Variants in DCAF5 observed in about 807,000 individuals in gnomAD.
DCAF5 encodes DDB1- and CUL4-associated factor 5.
Under a neutral mutation model 80.7 loss-of-function variants are expected in DCAF5, and 9 were observed. The observed-to-expected ratio is 0.11, with a 90% CI of 0.07 to 0.19. The LOEUF (loss-of-function observed/expected upper bound fraction) is 0.19, where lower values mean the gene tolerates loss of function less well. Among genes scored for constraint, DCAF5 ranks in the 10% least tolerant of loss-of-function variants. The probability of loss-of-function intolerance (pLI) is 1.00; values close to 1 mark genes in which losing one functional copy is unlikely to be tolerated. For synonymous variants in DCAF5, 433 were observed against 461.9 expected (o/e 0.94, Z 0.80); for missense variants, 842 against 1,205.7 (o/e 0.70, Z 4.47).
intron 1 of DCAF5, among the ~76,000 whole-genome samples, chr14:69,146,482 C>G (rs2041540596): frequency 6.6e-6 from 1 of 152,124 alleles, no homozygotes; most frequent in Non-Finnish European, 1.5e-5. Flanking sequence ...TAGCAAAGTT[C>G]CTCAGGGCCA....
At chr14:69,061,358 G>A (rs1442561068) in intron 8 of DCAF5, among the ~76,000 whole-genome samples, 1 of 152,000 alleles carries the variant, frequency 6.6e-6, no homozygotes, top group Non-Finnish European at 1.5e-5. Context: ...ATTATCTCAG[G>A]GACCTCAAGA....
chr14:69,116,581 G>A lies in DCAF5; in HGVS notation c.536-86C>T, dbSNP rs968538355. 3.0e-5 allele frequency: 46 copies of A among 1,515,840 alleles called. No individual in the cohort carries two copies. In the South Asian group the frequency reaches 3.7e-4, roughly 12 times the overall value. The allele number at this position is 1,515,840 out of a possible 1,614,324, so 93.9% of individuals were successfully genotyped here. A position where few individuals can be genotyped will look rare whatever the true frequency, so the allele number is the denominator to read the frequency against. On this transcript the variant is annotated intron_variant, in intron 4 of 8. Transcript: ENST00000341516. ...ATAATCAGGAATGTGAATACAGGTC[G>A]GAGCACTCTTTAATAACCACTCCAA...
At chr14:69,126,609 T>A (rs1298280363) in intron 1 of DCAF5, among the ~76,000 whole-genome samples, 2 of 152,188 alleles carry the variant, frequency 1.3e-5, no homozygotes, top group Non-Finnish European at 2.9e-5. Flanking sequence ...ATAGTCAACA[T>A]GATTTTGAAG....
intron 5 of DCAF5, among the ~76,000 whole-genome samples, chr14:69,108,467 G>A (rs189932303): frequency 2.0e-5 from 3 of 152,216 alleles, no homozygotes; most frequent in Admixed American, 6.5e-5. Context: ...ATGGAGAGAC[G>A]GAAATGGGTA....
chr14:69,085,163 G>T (rs1445385393), intron 6 of DCAF5: 1 of 745,326 alleles, frequency 1.3e-6, no homozygotes, highest in African/African-American at 1.7e-5. Context: ...CCCATTCTCT[G>T]AAACAGATCT....
At chr14:69,097,788 T>C (rs958859141) in intron 5 of DCAF5, among the ~76,000 whole-genome samples, 1 of 151,942 alleles carries the variant, frequency 6.6e-6, no homozygotes, top group Admixed American at 6.6e-5. Context: ...GGTTTTGCCA[T>C]GTTGACCAGG....
chr14:69,106,843 C>T (rs910350954), intron 5 of DCAF5, among the ~76,000 whole-genome samples: 3 of 151,962 alleles, frequency 2.0e-5, no homozygotes, highest in Non-Finnish European at 4.4e-5. Context: ...AGTTCAAGAC[C>T]AACCTGGCCA....
At chr14:69,095,899 C>T (rs1017528173) in intron 5 of DCAF5, among the ~76,000 whole-genome samples, 4 of 152,048 alleles carry the variant, frequency 2.6e-5, no homozygotes, top group Non-Finnish European at 4.4e-5. Flanking sequence ...TGCTTGGGGT[C>T]GAGGCACTAC....
In DCAF5 at chr14:69,128,681, T is replaced by TC. The variant is rs1466697960; in HGVS notation, c.215-6322dup. On this transcript the variant is annotated intron_variant, in intron 1 of 8. Coordinates refer to ENST00000341516, the MANE Select transcript of DCAF5 (RefSeq NM_003861.3). ...TACTGGGGAGGATGAGGCAGGAGAATCACTTGAACCCTGGAGGCGGAGGTT... is the reference window on the plus strand; with the variant it reads ...TACTGGGGAGGATGAGGCAGGAGAATCCACTTGAACCCTGGAGGCGGAGGTT... Among the ~76,000 whole-genome samples the TC allele has an allele frequency of 2.2e-3, 333 of 152,190 alleles. 3 individuals are homozygous for TC. Among genetic ancestry groups the TC allele is most frequent in the African/African-American group, 7.5e-3 (311 of 41,520 alleles).
At chr14:69,095,415 A>G (rs1289383912) in intron 5 of DCAF5, among the ~76,000 whole-genome samples, 1 of 152,190 alleles carries the variant, frequency 6.6e-6, no homozygotes, top group African/African-American at 2.4e-5. Flanking sequence ...AAACACAAGA[A>G]CAGGGTAGGA....
intron 6 of DCAF5, among the ~76,000 whole-genome samples, chr14:69,087,238 CTTT>C (rs1341496385): frequency 6.6e-6 from 1 of 152,156 alleles, no homozygotes; most frequent in Non-Finnish European, 1.5e-5. Context: ...TACTGGCATT[CTTT>C]TTTAACCCTA....
chr14:69,139,817 AC>A (rs887452827), intron 1 of DCAF5, among the ~76,000 whole-genome samples: 1 of 147,378 alleles, frequency 6.8e-6, no homozygotes, highest in African/African-American at 2.5e-5. Context: ...AGTGAATAAG[AC>A]CCTGTCTCAA....
At chr14:69,058,427 G>A (rs61160887) in intron 8 of DCAF5, among the ~76,000 whole-genome samples, 9,494 of 152,020 alleles carry the variant, frequency 0.062, 987 homozygotes, top group African/African-American at 0.22. Context: ...GCTGAGGCAG[G>A]AGAATTGCTT....
Position 69,055,248 on chromosome 14 carries a change from CGTT to C in DCAF5, c.1435_1437del (p.Asn479del), listed in dbSNP as rs768386194. ...ACCCGCAGGGGCCCCAGGTGGAAGG[CGTT>C]GTCGGCAGACTCATCTACTGTGGGA... On this transcript the variant is annotated inframe_deletion, in exon 9 of 9. Coordinates refer to ENST00000341516, the MANE Select transcript of DCAF5 (RefSeq NM_003861.3). The surrounding 1 kb of genome is among the most constrained non-coding windows in gnomAD (Gnocchi z 5.6). 5.6e-6 allele frequency: 9 copies of C among 1,614,020 alleles called. No individual in the cohort carries two copies. The African/African-American group carries it at 1.1e-4, about 19-fold the overall frequency.
rs2037852082 is a variant in DCAF5, at chr14:69,054,054, G to A, written c.2632C>T (p.Leu878Phe). Reference sequence around the variant, plus strand: ...GACCCGCAACAATCTTTGTGTAGGAGTGTCCCTGTCAGGGACGAGTTATCA... The same window carrying A: ...GACCCGCAACAATCTTTGTGTAGGAATGTCCCTGTCAGGGACGAGTTATCA... ...DRDNSSLTGTLLHKDCCGSEM... is the reference protein window; with the variant it reads ...DRDNSSLTGTFLHKDCCGSEM... Residue 878 changes from leucine to phenylalanine, a missense_variant, in exon 9 of 9, where the codon CTC becomes TTC. By Grantham distance (22) the Leu-to-Phe change is conservative. Around this residue, in one of 5 missense-constraint regions of DCAF5, gnomAD observed 607 missense variants for 656.6 expected, o/e 0.92. Transcript: ENST00000341516. 1.9e-6 allele frequency: 3 copies of A among 1,614,068 alleles called. No individual in the cohort carries two copies. The highest frequency in any genetic ancestry group is 2.7e-5 in the African/African-American group (2 of 75,050).
chr14:69,084,224 G>A, intron 6 of DCAF5: 1 of 1,012,766 alleles, frequency 9.9e-7, no homozygotes, highest in Non-Finnish European at 1.6e-6. Context: ...GCATACCTAT[G>A]GGTTGATAAT....
intron 5 of DCAF5, among the ~76,000 whole-genome samples, chr14:69,107,965 T>C (rs1389481831): frequency 6.6e-6 from 1 of 152,124 alleles, no homozygotes; most frequent in African/African-American, 2.4e-5. Flanking sequence ...ACACAAGTAA[T>C]AATACATATT....
rs1332067367 is a variant in DCAF5, at chr14:69,062,401, C to T, written c.1057G>A (p.Val353Ile). Residue 353 changes from valine to isoleucine, a missense_variant, in exon 8 of 9, where the codon GTA (valine) becomes ATA (isoleucine). Val to Ile is a conservative substitution (Grantham distance 29). Transcript: ENST00000341516. ...TGCCTCACCTTGATAATCTTTTCTA[C>T]ACCAGAAGAGCAGATCATGTAGGTG... ...PHTYMICSSG[V>I]EKIIKIWSPY... 6.2e-7 allele frequency: 1 copy of T among 1,613,632 alleles called. No homozygotes were observed. Among genetic ancestry groups the T allele is most frequent in the Non-Finnish European group, 8.5e-7 (1 of 1,179,750 alleles).
At chr14:69,131,970 T>TC (rs1397129106) in intron 1 of DCAF5, among the ~76,000 whole-genome samples, 2 of 152,152 alleles carry the variant, frequency 1.3e-5, no homozygotes, top group Non-Finnish European at 2.9e-5. Context: ...TGTGTCAATT[T>TC]CATTTCTTTT....
Sources: gnomAD v4.1 joint callset for allele counts (sites outside exome capture counted in the v4.1 genomes callset) on GRCh38, gnomAD v4.1.1 for gene constraint, gnomAD v4.1.1 regional missense constraint, Gnocchi (gnomAD v3.1) non-coding constraint, MANE v1.5 for transcripts, NCBI Gene and HGNC (gene_info 2026-07-23, HGNC 2026-07-21) for gene names.